The following VPS13B variants were observed in gnomAD, a reference collection of about 807,000 sequenced individuals.
VPS13B encodes vacuolar protein sorting 13 homolog B.
Under a neutral mutation model 426.4 loss-of-function variants are expected in VPS13B, and 285 were observed. The observed-to-expected ratio is 0.67, with a 90% CI of 0.61 to 0.74. The LOEUF is 0.74. Among genes scored for constraint, VPS13B ranks in the 30% least tolerant of loss-of-function variants. The pLI is 0.00. For synonymous variants in VPS13B, 1,676 were observed against 1,676.4 expected, an observed-to-expected ratio of 1.00 and a Z score of 0.01; for missense variants, 4,537 against 4,782.6, an observed-to-expected ratio of 0.95 and a Z score of 1.51.
At chr8:99,084,485 C>A (rs972555651) in intron 3 of VPS13B, among the ~76,000 whole-genome samples, 1 of 151,968 alleles carries the variant, frequency 6.6e-6, no homozygotes, top group Non-Finnish European at 1.5e-5. Flanking sequence ...TTATTTCTTG[C>A]CTTCTGCTAG....
chr8:99,207,221 C>A (rs1343572504), intron 17 of VPS13B, among the ~76,000 whole-genome samples: 1 of 152,044 alleles, frequency 6.6e-6, no homozygotes, highest in Non-Finnish European at 1.5e-5. Context: ...CCCATTTATG[C>A]TGGAGGTTGC....
At chr8:99,177,400 A>T (rs1357721083) in intron 16 of VPS13B, among the ~76,000 whole-genome samples, 4 of 152,240 alleles carry the variant, frequency 2.6e-5, no homozygotes, top group African/African-American at 9.6e-5. Context: ...CAAAAAATAC[A>T]TACATTTATA....
At chr8:99,753,409 A>G (rs1358318050) in intron 39 of VPS13B, among the ~76,000 whole-genome samples, 1 of 152,306 alleles carries the variant, frequency 6.6e-6, no homozygotes, top group Non-Finnish European at 1.5e-5. Flanking sequence ...ATTTGACTGC[A>G]TTTGATACAA....
chr8:99,241,342 A>T (rs1201864348), intron 17 of VPS13B: 1 of 152,208 alleles, frequency 6.6e-6, no homozygotes, highest in Non-Finnish European at 1.5e-5. Context: ...TGTTATGACT[A>T]TATCATTAGA....
intron 19 of VPS13B, among the ~76,000 whole-genome samples, chr8:99,363,402 G>C (rs1262404804): frequency 1.3e-5 from 2 of 152,116 alleles, no homozygotes; most frequent in Non-Finnish European, 2.9e-5. Context: ...TTGAAATGAG[G>C]TAATGTTCAA....
chr8:99,819,269 A>G (rs1814225981), intron 47 of VPS13B, 143 bp from the exon 48 acceptor site: 5 of 952,210 alleles, frequency 5.3e-6, no homozygotes, highest in Non-Finnish European at 7.9e-6. Flanking sequence ...GGCCCAGATC[A>G]TCCACACACT....
At chr8:99,872,275 G>A (rs1817461900) in intron 61 of VPS13B, among the ~76,000 whole-genome samples, 3 of 152,200 alleles carry the variant, frequency 2.0e-5, no homozygotes, top group Non-Finnish European at 4.4e-5. Context: ...CAAACCTGGA[G>A]ACTTCAAGGG....
intron 29 of VPS13B, among the ~76,000 whole-genome samples, chr8:99,515,672 GT>G (rs142089794): frequency 1.5e-3 from 218 of 150,316 alleles, no homozygotes; most frequent in African/African-American, 4.8e-3. Context: ...TTTTAGTGGT[GT>G]TTTTTTTTGT....
intron 39 of VPS13B, among the ~76,000 whole-genome samples, chr8:99,746,088 G>C (rs1810071980): frequency 6.6e-6 from 1 of 151,860 alleles, no homozygotes; most frequent in Non-Finnish European, 1.5e-5. Context: ...TGGATTATTT[G>C]GCCTGTAAAT....
intron 35 of VPS13B, chr8:99,696,305 T>C (rs1279809354): frequency 8.2e-6 from 2 of 243,154 alleles, no homozygotes; most frequent in Non-Finnish European, 1.7e-5. Flanking sequence ...ACAGAGGTGG[T>C]GGTGAATAAG....
chr8:99,622,789 C>G (rs1333859072), intron 33 of VPS13B, among the ~76,000 whole-genome samples: 1 of 152,176 alleles, frequency 6.6e-6, no homozygotes, highest in Non-Finnish European at 1.5e-5. Context: ...AGTTTATACT[C>G]ACCTCCTGTT....
intron 11 of VPS13B, 133 bp downstream of exon 11, chr8:99,135,866 T>G: frequency 8.0e-7 from 1 of 1,245,086 alleles, no homozygotes; most frequent in Non-Finnish European, 1.1e-6. Context: ...ACATTTAGAA[T>G]GCATTTATAC....
intron 38 of VPS13B, 118 bp from the exon 39 acceptor site, chr8:99,720,745 A>T (rs765676282): frequency 8.7e-5 from 102 of 1,169,198 alleles, no homozygotes; most frequent in Non-Finnish European, 1.2e-4. Flanking sequence ...AATATATATA[A>T]AAATGACCAA....
At chr8:99,825,199 A>T (rs1814603485) in intron 51 of VPS13B, among the ~76,000 whole-genome samples, 1 of 152,198 alleles carries the variant, frequency 6.6e-6, no homozygotes, top group Admixed American at 6.5e-5. Flanking sequence ...CCAACAGTGT[A>T]AAAGTGTTCC....
intron 30 of VPS13B, among the ~76,000 whole-genome samples, chr8:99,555,373 C>T (rs558577165): frequency 6.6e-6 from 1 of 152,214 alleles, no homozygotes; most frequent in South Asian, 2.1e-4. Flanking sequence ...ACCCCCATCA[C>T]CTCCCAATAA....
At chr8:99,689,552 G>A (rs920496807) in intron 35 of VPS13B, among the ~76,000 whole-genome samples, 1 of 152,172 alleles carries the variant, frequency 6.6e-6, no homozygotes, top group African/African-American at 2.4e-5. Context: ...GCACAGTGGT[G>A]CACACCTGTA....
At chr8:99,660,442 C>T (rs181320006) in intron 34 of VPS13B, among the ~76,000 whole-genome samples, 24 of 152,212 alleles carry the variant, frequency 1.6e-4, no homozygotes, top group Non-Finnish European at 2.8e-4. Flanking sequence ...AATAGATGGA[C>T]TCTATGGCAA....
chr8:99,554,715 A>T (rs979096434), intron 30 of VPS13B, among the ~76,000 whole-genome samples: 1 of 152,152 alleles, frequency 6.6e-6, no homozygotes, highest in Non-Finnish European at 1.5e-5. Flanking sequence ...AAACAGAGTT[A>T]GCTGAGCTGG....
intron 19 of VPS13B, among the ~76,000 whole-genome samples, chr8:99,292,216 A>G (rs1345753063): frequency 1.3e-5 from 2 of 152,120 alleles, no homozygotes; most frequent in Non-Finnish European, 2.9e-5. Flanking sequence ...TGGCATAAGT[A>G]TGCCTCAGCC....
Sources: allele counts gnomAD v4.1 joint callset (sites outside exome capture counted in the v4.1 genomes callset), GRCh38; gene constraint gnomAD v4.1.1; transcripts MANE v1.5; gene names NCBI Gene and HGNC (gene_info 2026-07-23, HGNC 2026-07-21).